The following IQCE variants were observed in gnomAD, a reference collection of about 807,000 sequenced individuals.
The protein encoded by IQCE is IQ domain-containing protein E.
Under a neutral mutation model 96.0 loss-of-function variants are expected in IQCE, and 115 were observed. The observed-to-expected ratio is 1.20, with a 90% confidence interval of 1.03 to 1.40. The LOEUF is 1.40. Ranked by LOEUF, IQCE falls within the 40% of genes most tolerant of loss-of-function variation. IQCE has a pLI of 0.00. For missense variants in IQCE, 1,041 were observed against 909.1 expected, an observed-to-expected ratio of 1.15 and a Z score of -1.87; for synonymous variants, 412 against 371.2, an observed-to-expected ratio of 1.11 and a Z score of -1.26.
At chr7:2,570,146 G>C (rs1781657257) in intron 3 of IQCE, among the ~76,000 whole-genome samples, 2 of 152,240 alleles carry the variant, frequency 1.3e-5, no homozygotes, top group Admixed American at 1.3e-4. Context: ...CACGTTCCGA[G>C]GCTTTTCATC....
At position 2,594,930 on chromosome 7, in the gene IQCE, A is replaced by C; in HGVS notation, c.1394A>C (p.Glu465Ala). 6.2e-7 allele frequency: 1 copy of C among 1,614,104 alleles called. No homozygotes were observed. The highest frequency in any genetic ancestry group is 8.5e-7 in the Non-Finnish European group (1 of 1,179,934). The stretch of plus-strand genomic sequence containing the variant: ...ACCAGCAAGCTCCAAGAATTGCAAG[A>C]AATGAAGAAAGAAGAGAAAGAGGAT... ...TLTSKLQELQ[E>A]MKKEEKEDCP... The change falls in exon 16 of 22, where the codon GAA becomes GCA. Residue 465 changes from glutamate (E) to alanine (A), a missense_variant. By Grantham distance (107) the Glu-to-Ala change is moderately radical. Transcript: ENST00000402050.
intron 13 of IQCE, among the ~76,000 whole-genome samples, 183 bp downstream of exon 13, chr7:2,588,060 C>T (rs1030081020): frequency 1.3e-5 from 2 of 152,232 alleles, no homozygotes; most frequent in Non-Finnish European, 2.9e-5. Context: ...CTCTCATGCC[C>T]CTCGCTGGGC....
chr7:2,586,172 C>G, intron 11 of IQCE, 36 bp from the exon 12 acceptor site: 1 of 1,588,592 alleles, frequency 6.3e-7, no homozygotes, highest in Non-Finnish European at 8.6e-7. Context: ...ACCAGCTTAG[C>G]AATGCAAACC....
chr7:2,587,897 C>T lies in IQCE; in HGVS notation c.1044+20C>T. The T allele has an allele frequency of 6.2e-7, 1 of 1,612,394 alleles. No individual in the cohort carries two copies. The highest frequency in any genetic ancestry group is 1.1e-5 in the South Asian group (1 of 91,046). ...GAGAAGGTGAGCGGGCGTCTCAGTGCCACTGTCGTTGGGGACCAGGGGCCT... is the reference window on the plus strand; with the variant it reads ...GAGAAGGTGAGCGGGCGTCTCAGTGTCACTGTCGTTGGGGACCAGGGGCCT... On this transcript the variant is annotated intron_variant, in intron 13 of 21. Transcript: ENST00000402050.
intron 14 of IQCE, among the ~76,000 whole-genome samples, chr7:2,591,831 G>A (rs1045379974): frequency 1.3e-5 from 2 of 152,134 alleles, no homozygotes; most frequent in African/African-American, 2.4e-5. Context: ...ATGTTGGCCA[G>A]GCTGAGTCTG....
At chr7:2,591,484 A>C (rs1007684270) in intron 14 of IQCE, among the ~76,000 whole-genome samples, 1 of 152,104 alleles carries the variant, frequency 6.6e-6, no homozygotes, top group Non-Finnish European at 1.5e-5. Context: ...CAAGAACTAC[A>C]GTGACTGCCC....
intron 6 of IQCE, among the ~76,000 whole-genome samples, chr7:2,577,773 C>G (rs370391894): frequency 3.8e-3 from 149 of 39,680 alleles, no homozygotes; most frequent in African/African-American, 8.8e-3. Context: ...GCGCGGGGAC[C>G]TGTGTGCGGC....
intron 1 of IQCE, among the ~76,000 whole-genome samples, chr7:2,565,430 G>A (rs79083004): frequency 0.035 from 5,343 of 152,212 alleles, 346 homozygotes; most frequent in East Asian, 0.29. Flanking sequence ...CGTTGTGGGT[G>A]AGATCAATGC....
At chr7:2,584,127 C>G (rs763093245) in intron 10 of IQCE, 109 bp from the exon 11 acceptor site, 1 of 962,078 alleles carries the variant, frequency 1.0e-6, no homozygotes, top group Non-Finnish European at 1.7e-6. Flanking sequence ...CCACTTAGTT[C>G]CCGCTTCTGG....
Position 2,593,008 on chromosome 7 carries a change from ATTC to A in IQCE, c.1245-11_1245-9del, listed in dbSNP as rs1562661998. 6.3e-7 allele frequency: 1 copy of A among 1,588,798 alleles called. No individual in the cohort carries two copies. The highest frequency in any genetic ancestry group is 2.3e-5 in the East Asian group (1 of 44,380). ...TTTTGTGAACGCTGACGAGTCTCCTATTCTTGTGTGCAGTTTGGAGGTGAAGCA... is the reference window on the plus strand; with the variant it reads ...TTTTGTGAACGCTGACGAGTCTCCTATTGTGTGCAGTTTGGAGGTGAAGCA... On this transcript the variant is annotated splice_polypyrimidine_tract_variant and intron_variant, in intron 14 of 21. Transcript: ENST00000402050.
intron 14 of IQCE, among the ~76,000 whole-genome samples, chr7:2,591,167 C>T (rs939900357): frequency 1.3e-5 from 2 of 151,894 alleles, no homozygotes; most frequent in Non-Finnish European, 2.9e-5. Context: ...GTGGGAGAAT[C>T]GCTTGAGCCT....
At chr7:2,573,183 A>G (rs1034755067) in intron 5 of IQCE, among the ~76,000 whole-genome samples, 4 of 152,124 alleles carry the variant, frequency 2.6e-5, no homozygotes, top group Admixed American at 6.6e-5. Context: ...TGGTCTTCAC[A>G]TGTTTATTTA....
In IQCE at chr7:2,610,183, G is replaced by A. The variant is rs762084937; in HGVS notation, c.*21G>A. 18 of 1,383,022 alleles carry A rather than the reference G, an allele frequency of 1.3e-5. No individual in the cohort carries two copies. The East Asian group carries it at 3.0e-4, about 23-fold the overall frequency. The allele number at this position is 1,383,022 out of a possible 1,614,324, so 85.7% of individuals were successfully genotyped here. ...TTTAGGTCCCCGTCACTGTCTCCACGCCGTGATGGCAGCGCTGCCGAGGAC... is the reference window on the plus strand; with the variant it reads ...TTTAGGTCCCCGTCACTGTCTCCACACCGTGATGGCAGCGCTGCCGAGGAC... On this transcript the variant is annotated 3_prime_UTR_variant, in exon 22 of 22. Transcript: ENST00000402050.
At chr7:2,571,013 A>T (rs1781715938) in intron 3 of IQCE, among the ~76,000 whole-genome samples, 1 of 150,712 alleles carries the variant, frequency 6.6e-6, no homozygotes, top group African/African-American at 2.4e-5. Context: ...TTCCCATTAT[A>T]TTCTTCCCAT....
In IQCE at chr7:2,601,410, A is replaced by G. The variant is rs369405414; in HGVS notation, c.1609-31A>G. The G allele has an allele frequency of 2.8e-5, 39 of 1,397,082 alleles. No individual in the cohort carries two copies. In the African/African-American group the frequency reaches 5.6e-4, roughly 20 times the overall value. The allele number at this position is 1,397,082 out of a possible 1,614,324, so 86.5% of individuals were successfully genotyped here. A position where few individuals can be genotyped will look rare whatever the true frequency, so the allele number is the denominator to read the frequency against. On this transcript the variant is annotated intron_variant, in intron 17 of 21. Coordinates refer to ENST00000402050, the MANE Select transcript of IQCE (RefSeq NM_152558.5). ...ACATTCATCCTTCTCGTGTTAATTCATGTATTTTTTCTTTCTTTTTTTTTT... is the reference window on the plus strand; with the variant it reads ...ACATTCATCCTTCTCGTGTTAATTCGTGTATTTTTTCTTTCTTTTTTTTTT...
In IQCE at chr7:2,613,599, C is replaced by T. The variant is rs1177909012; in HGVS notation, c.*3437C>T. The T allele has an allele frequency of 9.8e-5, 15 of 152,362 alleles. No homozygotes were observed. The highest frequency in any genetic ancestry group is 9.8e-4 in the Admixed American group (15 of 15,296). 9.4% of individuals were successfully genotyped at this position (152,362 alleles called of 1,614,324 possible). ...GTGTCCCTTGGTTCACATCACCCACCAGACAGCTGCGGAGAGAGTGCAGGG... is the reference window on the plus strand; with the variant it reads ...GTGTCCCTTGGTTCACATCACCCACTAGACAGCTGCGGAGAGAGTGCAGGG... On this transcript the variant is annotated 3_prime_UTR_variant, in exon 22 of 22. Transcript: ENST00000402050.
At chr7:2,589,012 G>T (rs1163312289) in intron 13 of IQCE, among the ~76,000 whole-genome samples, 2 of 152,042 alleles carry the variant, frequency 1.3e-5, no homozygotes, top group African/African-American at 4.8e-5. Context: ...GTGTTGTTTG[G>T]CCAAGCAAAA....
chr7:2,585,666 C>T (rs939250275), intron 11 of IQCE, among the ~76,000 whole-genome samples: 2 of 152,258 alleles, frequency 1.3e-5, no homozygotes, highest in African/African-American at 4.8e-5. Flanking sequence ...AGGAGCTGAG[C>T]ACCACCTGGG....
At chr7:2,566,235 G>A (rs1229782982) in intron 1 of IQCE, among the ~76,000 whole-genome samples, 1 of 151,040 alleles carries the variant, frequency 6.6e-6, no homozygotes, top group Non-Finnish European at 1.5e-5. Context: ...TCTCTTTTTG[G>A]ATTTCAATTT....
Sources: allele counts gnomAD v4.1 joint callset (sites outside exome capture counted in the v4.1 genomes callset), GRCh38; gene constraint gnomAD v4.1.1; transcripts MANE v1.5; gene names NCBI Gene and HGNC (gene_info 2026-07-23, HGNC 2026-07-21).